The following ZSCAN1 variants were observed in gnomAD, a reference collection of about 807,000 sequenced individuals.
The protein encoded by ZSCAN1 is zinc finger and SCAN domain containing 1.
In ZSCAN1, 23 loss-of-function variants were observed where a neutral mutation model predicts 23.8. That is an observed-to-expected ratio of 0.97 (90% CI 0.70 to 1.37). ZSCAN1 has a LOEUF of 1.37. ZSCAN1 is among the 40% of genes most tolerant of loss of function. The pLI is 0.00. For missense variants in ZSCAN1, 575 were observed against 554.0 expected (o/e 1.04, Z -0.38); for synonymous variants, 236 against 232.3 (o/e 1.02, Z -0.15).
chr19:58,046,720 G>T (rs978164079), intron 4 of ZSCAN1: 4 of 804,988 alleles, frequency 5.0e-6, no homozygotes, highest in Middle Eastern at 4.5e-4. Flanking sequence ...AGAGGAGAAA[G>T]GGTGGAGAAG....
intron 4 of ZSCAN1, chr19:58,046,415 A>G (rs2073826414): frequency 6.9e-6 from 6 of 866,732 alleles, no homozygotes; most frequent in Non-Finnish European, 1.2e-5. Flanking sequence ...ATAATCGGGC[A>G]GATCAACGGC....
At chr19:58,043,863 C>CA (rs2073806202) in intron 4 of ZSCAN1, among the ~76,000 whole-genome samples, 1 of 151,730 alleles carries the variant, frequency 6.6e-6, no homozygotes, top group African/African-American at 2.4e-5. Flanking sequence ...GATGGGGTTT[C>CA]ACTATGTTGC....
At chr19:58,044,729 C>G (rs2073813103) in intron 4 of ZSCAN1, 2 of 742,970 alleles carry the variant, frequency 2.7e-6, no homozygotes, top group Non-Finnish European at 4.9e-6. Flanking sequence ...AGGAGCTGCC[C>G]GAAAGTTTCA....
At chr19:58,042,851 C>T (rs2073799713) in intron 4 of ZSCAN1, among the ~76,000 whole-genome samples, 1 of 152,244 alleles carries the variant, frequency 6.6e-6, no homozygotes, top group African/African-American at 2.4e-5. Flanking sequence ...CCACCCCTCT[C>T]CCACCAGGGC....
At chr19:58,046,485 GC>G in intron 4 of ZSCAN1, 1 of 864,428 alleles carries the variant, frequency 1.2e-6, no homozygotes, top group Non-Finnish European at 2.0e-6. Context: ...CCAAGGGCGT[GC>G]CCATGGGGGA....
Position 58,037,923 on chromosome 19 carries a change from A to G in ZSCAN1, c.87A>G (p.Ala29=). Residue 29 remains alanine, a synonymous_variant, in exon 3 of 6, where the codon GCA becomes GCG. Transcript: ENST00000282326. The part of the protein sequence containing the change: ...PSEQDADPGP[A]SPRDTEAQRL... ...AGCAGGACGCAGACCCTGGGCCAGC[A>G]AGCCCCAGGGACACCGAAGCCCAGC... 2 of 1,584,012 alleles carry G rather than the reference A, an allele frequency of 1.3e-6. No homozygotes were observed. The highest frequency in any genetic ancestry group is 1.7e-6 in the Non-Finnish European group (2 of 1,170,398).
chr19:58,046,837 G>A (rs933379196), intron 4 of ZSCAN1: 2 of 689,494 alleles, frequency 2.9e-6, no homozygotes, highest in African/African-American at 3.5e-5. Flanking sequence ...AGAGCGATTT[G>A]CGGTGATTCT....
At chr19:58,046,467 G>A in intron 4 of ZSCAN1, 2 of 846,190 alleles carry the variant, frequency 2.4e-6, no homozygotes, top group Admixed American at 3.4e-5. Context: ...CCAGCAAGCT[G>A]GCCCCGGCCA....
At chr19:58,048,603 A>T (rs1250612695) in intron 4 of ZSCAN1, among the ~76,000 whole-genome samples, 1 of 152,180 alleles carries the variant, frequency 6.6e-6, no homozygotes, top group Non-Finnish European at 1.5e-5. Flanking sequence ...CCCCACAGAC[A>T]AACGCCACTA....
chr19:58,055,378 C>A (rs2073884613), downstream of ZSCAN1, among the ~76,000 whole-genome samples: 1 of 152,200 alleles, frequency 6.6e-6, no homozygotes. Flanking sequence ...CGGAGCGCCC[C>A]CTAACCGCGC....
At position 58,040,362 on chromosome 19, in the gene ZSCAN1, G is replaced by T; in HGVS notation, c.371-88G>T. 1 of 1,404,718 alleles carries T rather than the reference G, an allele frequency of 7.1e-7. No individual in the cohort carries two copies. 87.0% of individuals were successfully genotyped at this position (1,404,718 alleles called of 1,614,324 possible). A position where few individuals can be genotyped will look rare whatever the true frequency, so the allele number is the denominator to read the frequency against. The stretch of plus-strand genomic sequence containing the variant: ...CCTCAGGGGTGCTGCAGGGATGTTC[G>T]GGGAAAGTCTGCCCTCCCCAGAAGG... On this transcript the variant is annotated intron_variant, in intron 3 of 5. Coordinates refer to ENST00000282326, the MANE Select transcript of ZSCAN1 (RefSeq NM_182572.4). This position sits in a 1 kb window ranked among gnomAD's most constrained non-coding sequence, Gnocchi z 5.8.
Position 58,038,050 on chromosome 19 carries a change from C to G in ZSCAN1, c.214C>G (p.Arg72Gly), listed in dbSNP as rs373056173. 2 of 1,611,870 alleles carry G rather than the reference C, an allele frequency of 1.2e-6. No individual in the cohort carries two copies. Among genetic ancestry groups the G allele is most frequent in the Non-Finnish European group, 1.7e-6 (2 of 1,179,766 alleles). Residue 72 changes from arginine (R) to glycine (G), a missense_variant, in exon 3 of 6, where the codon CGC (arginine) becomes GGC (glycine). Arg to Gly is a moderately radical substitution (Grantham distance 125, BLOSUM62 -2). Transcript: ENST00000282326. ...LCRQWLRPEA[R>G]SKEQMLELLV... ...CCGCCAGTGGCTGAGGCCCGAGGCG[C>G]GCTCCAAGGAGCAGATGCTGGAGCT...
At position 58,038,467 on chromosome 19, in the gene ZSCAN1, G is replaced by C. The variant is rs1018157583; in HGVS notation, c.370+261G>C. 3 of 596,204 alleles carry C rather than the reference G, an allele frequency of 5.0e-6. No individual in the cohort carries two copies. The South Asian group carries it at 6.2e-5, about 12-fold the overall frequency. 36.9% of individuals were successfully genotyped at this position (596,204 alleles called of 1,614,324 possible). A position where few individuals can be genotyped will look rare whatever the true frequency, so the allele number is the denominator to read the frequency against. On this transcript the variant is annotated intron_variant, in intron 3 of 5. Coordinates refer to ENST00000282326, the MANE Select transcript of ZSCAN1 (RefSeq NM_182572.4). ...ATGCGTCCATCTGTCCTGTGGCTTTGTGTCTGCTGCTCCTCACGGCTGCTC... is the reference window on the plus strand; with the variant it reads ...ATGCGTCCATCTGTCCTGTGGCTTTCTGTCTGCTGCTCCTCACGGCTGCTC...
chr19:58,039,773 A>G (rs2073772487), intron 3 of ZSCAN1, among the ~76,000 whole-genome samples: 1 of 145,870 alleles, frequency 6.9e-6, no homozygotes, highest in South Asian at 2.1e-4. Flanking sequence ...TCCGTCTCAA[A>G]AAAAAAAAAA....
At chr19:58,042,093 C>G (rs1449209479) in intron 4 of ZSCAN1, among the ~76,000 whole-genome samples, 1 of 152,104 alleles carries the variant, frequency 6.6e-6, no homozygotes, top group East Asian at 1.9e-4. Context: ...AATATTTAGG[C>G]TAAATTGTGG....
chr19:58,045,704 G>A lies in ZSCAN1; in HGVS notation c.465+5160G>A, dbSNP rs554573651. The A allele has an allele frequency of 2.0e-6, 2 of 983,600 alleles. No homozygotes were observed. The highest frequency in any genetic ancestry group is 1.7e-5 in the Admixed American group (1 of 57,188). 60.9% of individuals were successfully genotyped at this position (983,600 alleles called of 1,614,324 possible). On this transcript the variant is annotated intron_variant, in intron 4 of 5. Transcript: ENST00000282326. The surrounding 1 kb of genome is among the most constrained non-coding windows in gnomAD (Gnocchi z 4.3). ...GTCAAGGAGCTGCAGGCGGCATGTCGGGCACGAGGCATGCGGGCCCTGGGC... is the reference window on the plus strand; with the variant it reads ...GTCAAGGAGCTGCAGGCGGCATGTCAGGCACGAGGCATGCGGGCCCTGGGC...
At chr19:58,050,375 G>T (rs2073851627) in intron 4 of ZSCAN1, among the ~76,000 whole-genome samples, 1 of 151,922 alleles carries the variant, frequency 6.6e-6, no homozygotes, top group Admixed American at 6.6e-5. Flanking sequence ...GGTGGAGGTT[G>T]CAGTAAGCCA....
rs935544496 is a variant in ZSCAN1, at chr19:58,047,556, G to A, written c.466-4934G>A. Among the ~76,000 whole-genome samples, 7 of 152,218 alleles carry A rather than the reference G, an allele frequency of 4.6e-5. No individual in the cohort carries two copies. The highest frequency in any genetic ancestry group is 9.6e-5 in the African/African-American group (4 of 41,460). On this transcript the variant is annotated intron_variant, in intron 4 of 5. Coordinates refer to ENST00000282326, the MANE Select transcript of ZSCAN1 (RefSeq NM_182572.4). This position sits in a 1 kb window ranked among gnomAD's most constrained non-coding sequence, Gnocchi z 4.9. ...CTCCCTTGGGTGGTGCTTGGGCTGCGCGCCACGGGGGCTGCAGTGGATTTA... is the reference window on the plus strand; with the variant it reads ...CTCCCTTGGGTGGTGCTTGGGCTGCACGCCACGGGGGCTGCAGTGGATTTA...
In ZSCAN1 at chr19:58,054,037, C is replaced by A. The variant is rs543965221; in HGVS notation, c.1213C>A (p.His405Asn). The change falls in exon 6 of 6, where the codon CAC becomes AAC. Residue 405 changes from histidine to asparagine, a missense_variant. Physicochemically the swap from His to Asn is moderately conservative, Grantham distance 68. Transcript: ENST00000282326. The surrounding 1 kb of genome is among the most constrained non-coding windows in gnomAD (Gnocchi z 4.2). ...LIDHQKLHTAHGHM is the reference protein window; with the variant it reads ...LIDHQKLHTANGHM ...TGACCACCAGAAGCTCCACACGGCC[C>A]ACGGCCACATGTGAATGGCCAGCCT... 46 of 1,521,590 alleles carry A rather than the reference C, an allele frequency of 3.0e-5. No individual in the cohort carries two copies. The Admixed American group carries it at 8.6e-4, about 28-fold the overall frequency. 94.3% of individuals were successfully genotyped at this position (1,521,590 alleles called of 1,614,324 possible). A position where few individuals can be genotyped will look rare whatever the true frequency, so the allele number is the denominator to read the frequency against.
Sources: allele counts gnomAD v4.1 joint callset (sites outside exome capture counted in the v4.1 genomes callset), GRCh38; gene constraint gnomAD v4.1.1; non-coding constraint Gnocchi (gnomAD v3.1); transcripts MANE v1.5; gene names NCBI Gene and HGNC (gene_info 2026-07-23, HGNC 2026-07-21).